The following SLMAP variants were observed in gnomAD, a reference collection of about 807,000 sequenced individuals.
SLMAP encodes sarcolemmal membrane-associated protein.
A neutral mutation model predicts 128.8 loss-of-function variants in SLMAP; 44 were observed. The ratio of observed to expected loss-of-function variants is 0.34; its 90% CI spans 0.27 to 0.44. The LOEUF is 0.44. SLMAP is among the 20% of genes least tolerant of loss of function. The pLI, the probability that SLMAP is intolerant of heterozygous loss-of-function variation, is 1.00. For synonymous variants in SLMAP, 327 were observed against 348.8 expected (o/e 0.94, Z 0.70); for missense variants, 787 against 985.3 (o/e 0.80, Z 2.69).
At chr3:57,885,071 ATTTT>A (rs543338432) in intron 14 of SLMAP, among the ~76,000 whole-genome samples, 2 of 142,078 alleles carry the variant, frequency 1.4e-5, no homozygotes, top group African/African-American at 5.2e-5. Context: ...AGAAGCAGAA[ATTTT>A]TTTTTTTTTT....
chr3:57,848,251 TCTCCTCCTC>T (rs1165395635), intron 5 of SLMAP, among the ~76,000 whole-genome samples: 2 of 149,616 alleles, frequency 1.3e-5, no homozygotes, highest in Admixed American at 6.7e-5. Flanking sequence ...TTCTCCTTCT[TCTCCTCCTC>T]CTCCTCCTCT....
intron 2 of SLMAP, among the ~76,000 whole-genome samples, chr3:57,788,487 A>C (rs2084727113): frequency 6.6e-6 from 1 of 152,186 alleles, no homozygotes; most frequent in African/African-American, 2.4e-5. Flanking sequence ...GGGAGTTATC[A>C]GCCCATGTAG....
chr3:57,790,461 A>C (rs1025816998), intron 2 of SLMAP, among the ~76,000 whole-genome samples: 1 of 152,244 alleles, frequency 6.6e-6, no homozygotes, highest in Admixed American at 6.5e-5. Flanking sequence ...TAAGGAAAAA[A>C]AAAAGTGGAA....
In SLMAP at chr3:57,916,987, A is replaced by G; in HGVS notation, c.2220A>G (p.Gly740=). ...GGAAAGAACTTGAGAATCAAGTGGG[A>G]TCCTTGAAAGAACAGCATCTTCGGG... ...MSRKELENQV[G]SLKEQHLRDS... is the part of the protein sequence containing the mutation. The change falls in exon 22 of 25, where the codon GGA becomes GGG. Residue 740 remains glycine, a synonymous_variant. Transcript: ENST00000671191. The G allele has an allele frequency of 1.9e-6, 3 of 1,613,896 alleles. No homozygotes were observed. Among genetic ancestry groups the G allele is most frequent in the Non-Finnish European group, 2.5e-6 (3 of 1,179,854 alleles).
At chr3:57,852,897 C>T (rs2094559459) in intron 6 of SLMAP, among the ~76,000 whole-genome samples, 3 of 152,150 alleles carry the variant, frequency 2.0e-5, no homozygotes, top group African/African-American at 7.2e-5. Context: ...TTATACCAGT[C>T]TTTTCTGTAT....
intron 2 of SLMAP, among the ~76,000 whole-genome samples, chr3:57,781,499 G>A (rs978589662): frequency 1.3e-5 from 2 of 152,036 alleles, no homozygotes; most frequent in African/African-American, 4.8e-5. Flanking sequence ...TACCTTTCTT[G>A]TAAAGGAGAG....
intron 15 of SLMAP, among the ~76,000 whole-genome samples, chr3:57,894,309 T>C (rs1011153482): frequency 6.6e-6 from 1 of 152,220 alleles, no homozygotes; most frequent in Non-Finnish European, 1.5e-5. Flanking sequence ...CTATTTTTAA[T>C]CTACATGGGG....
chr3:57,853,290 G>A (rs781056812), intron 6 of SLMAP, among the ~76,000 whole-genome samples: 2 of 152,122 alleles, frequency 1.3e-5, no homozygotes, highest in Admixed American at 6.6e-5. Flanking sequence ...TTCTTTAACC[G>A]ATAGCTTTAT....
chr3:57,820,733 C>T (rs896756110), intron 2 of SLMAP, among the ~76,000 whole-genome samples: 2 of 152,196 alleles, frequency 1.3e-5, no homozygotes. Context: ...ATACCTCCAG[C>T]GGGGGACTCA....
chr3:57,862,947 G>C (rs1204009180), intron 10 of SLMAP, among the ~76,000 whole-genome samples: 1 of 152,110 alleles, frequency 6.6e-6, no homozygotes, highest in Non-Finnish European at 1.5e-5. Context: ...AGTTCCTCTG[G>C]ATGAATATGT....
chr3:57,815,328 T>C (rs1229392584), intron 2 of SLMAP, among the ~76,000 whole-genome samples: 1 of 152,168 alleles, frequency 6.6e-6, no homozygotes, highest in Non-Finnish European at 1.5e-5. Context: ...ATACCAACTA[T>C]GGATAAGGGA....
At chr3:57,759,140 G>C (rs1431063158) in intron 2 of SLMAP, among the ~76,000 whole-genome samples, 1 of 152,160 alleles carries the variant, frequency 6.6e-6, no homozygotes, top group African/African-American at 2.4e-5. Flanking sequence ...TATACTTTAC[G>C]TGTAGGATGA....
At chr3:57,905,064 C>T (rs1367360925) in intron 17 of SLMAP, among the ~76,000 whole-genome samples, 1 of 152,054 alleles carries the variant, frequency 6.6e-6, no homozygotes, top group African/African-American at 2.4e-5. Context: ...GAGCAAGACC[C>T]TGTCTCAAAA....
chr3:57,865,312 T>C lies in SLMAP; in HGVS notation c.1237+20T>C. ...AAAAAGGTAGTGTAAAAAACTTAAATATATATATACTTTTTATGATATCAT... is the reference window on the plus strand; with the variant it reads ...AAAAAGGTAGTGTAAAAAACTTAAACATATATATACTTTTTATGATATCAT... On this transcript the variant is annotated intron_variant, in intron 13 of 24. Transcript: ENST00000671191. 9.4e-7 allele frequency: 1 copy of C among 1,058,496 alleles called. No homozygotes were observed. The highest frequency in any genetic ancestry group is 1.4e-6 in the Non-Finnish European group (1 of 714,562). The allele number at this position is 1,058,496 out of a possible 1,614,324, so 65.6% of individuals were successfully genotyped here.
intron 3 of SLMAP, among the ~76,000 whole-genome samples, chr3:57,832,130 C>T (rs186385182): frequency 1.3e-5 from 2 of 152,292 alleles, no homozygotes; most frequent in East Asian, 3.9e-4. Flanking sequence ...CTCCTTAGGT[C>T]TCACTGGCCA....
At chr3:57,924,963 T>TGTTTTTG (rs199928965) in intron 23 of SLMAP, among the ~76,000 whole-genome samples, 2 of 150,196 alleles carry the variant, frequency 1.3e-5, no homozygotes, top group Non-Finnish European at 3.0e-5. Flanking sequence ...TTTTGTTTTT[T>TGTTTTTG]TTTTTTTTGG....
At chr3:57,775,116 G>A (rs1453071226) in intron 2 of SLMAP, among the ~76,000 whole-genome samples, 1 of 151,228 alleles carries the variant, frequency 6.6e-6, no homozygotes, top group Non-Finnish European at 1.5e-5. Context: ...GTACAGTGGC[G>A]CGATCTCGGC....
intron 2 of SLMAP, among the ~76,000 whole-genome samples, chr3:57,778,105 C>A (rs1359811054): frequency 1.3e-5 from 2 of 152,102 alleles, no homozygotes; most frequent in Non-Finnish European, 2.9e-5. Flanking sequence ...CCAAAGGAAG[C>A]CATCTGGACC....
intron 17 of SLMAP, chr3:57,897,319 T>G: frequency 3.9e-6 from 1 of 256,076 alleles, no homozygotes; most frequent in Admixed American, 5.5e-5. Flanking sequence ...AGTTGTAAAT[T>G]TCCTTATTTT....
Sources: gnomAD v4.1 joint callset for allele counts (sites outside exome capture counted in the v4.1 genomes callset) on GRCh38, gnomAD v4.1.1 for gene constraint, MANE v1.5 for transcripts, NCBI Gene and HGNC (gene_info 2026-07-23, HGNC 2026-07-21) for gene names.